DYM: variants seen among roughly 807,000 people sequenced by gnomAD.
The protein encoded by DYM is dyggve-Melchior-Clausen syndrome protein.
In DYM, 78 loss-of-function variants were observed where a neutral mutation model predicts 93.1. The observed-to-expected ratio is 0.84, with a 90% CI of 0.70 to 1.01. DYM has a LOEUF of 1.01. Ranked by LOEUF, DYM falls within the 50% of genes least tolerant of loss-of-function variation. The probability of loss-of-function intolerance (pLI) is 0.00; values close to 1 mark genes in which losing one functional copy is unlikely to be tolerated. For missense variants in DYM, 789 were observed against 845.0 expected (o/e 0.93, Z 0.82); for synonymous variants, 321 against 319.7 (o/e 1.00, Z -0.04).
rs769423170 is a variant in DYM, at chr18:49,292,355, G to GACAGACACACAC, written c.764-5740_764-5739insGTGTGTGTCTGT. 5.0e-4 allele frequency among the ~76,000 whole-genome samples: 42 copies of GACAGACACACAC among 84,740 alleles called. 1 individual carries two copies. In the East Asian group the frequency reaches 9.6e-3, roughly 19 times the overall value. The allele number at this position is 84,740 out of a possible 152,430, so 55.6% of individuals were successfully genotyped here. A position where few individuals can be genotyped will look rare whatever the true frequency, so the allele number is the denominator to read the frequency against. ...AGGCAGGCAGACAGACAGACAGACA[G>GACAGACACACAC]ACACACACACACACACACACACACA... On this transcript the variant is annotated intron_variant, in intron 8 of 17. Coordinates refer to ENST00000675505, the MANE Select transcript of DYM (RefSeq NM_001353214.3).
chr18:49,400,842 G>T (rs1298673576), intron 2 of DYM, among the ~76,000 whole-genome samples: 3 of 152,060 alleles, frequency 2.0e-5, no homozygotes, highest in African/African-American at 7.3e-5. Flanking sequence ...AACTGGGGTG[G>T]TTGGTAACTG....
intron 8 of DYM, among the ~76,000 whole-genome samples, chr18:49,326,954 C>T (rs929238129): frequency 2.1e-5 from 3 of 140,102 alleles, no homozygotes; most frequent in African/African-American, 5.4e-5. Context: ...AGGGATATTA[C>T]GATGCATGTA....
At chr18:49,138,538 T>G (rs950973082) in intron 15 of DYM, among the ~76,000 whole-genome samples, 5 of 152,152 alleles carry the variant, frequency 3.3e-5, no homozygotes, top group African/African-American at 1.2e-4. Flanking sequence ...TGGTTCAATG[T>G]AATCTAGGCA....
rs539662501 is a variant in DYM, at chr18:49,167,131, A to G, written c.1626-3344T>C. Among the ~76,000 whole-genome samples the G allele has an allele frequency of 8.5e-5, 13 of 152,150 alleles. No individual in the cohort carries two copies. The South Asian group carries it at 2.7e-3, about 32-fold the overall frequency. ...TTTAAGAAAATTATTAAACAGTCCTAGGGACCAGAGCAAAAAACACTTGAA... is the reference window on the plus strand; with the variant it reads ...TTTAAGAAAATTATTAAACAGTCCTGGGGACCAGAGCAAAAAACACTTGAA... On this transcript the variant is annotated intron_variant, in intron 14 of 17. Coordinates refer to ENST00000675505, the MANE Select transcript of DYM (RefSeq NM_001353214.3).
chr18:49,375,193 G>GAC (rs34631271), intron 5 of DYM, among the ~76,000 whole-genome samples: 3,638 of 137,944 alleles, frequency 0.026, 74 homozygotes, highest in South Asian at 0.075. Flanking sequence ...AAGGGGAAAA[G>GAC]ACACACACAC....
chr18:49,087,439 C>A (rs2078644663), intron 17 of DYM, among the ~76,000 whole-genome samples: 2 of 152,334 alleles, frequency 1.3e-5, no homozygotes, highest in South Asian at 4.1e-4. Flanking sequence ...ATTGCTTACA[C>A]ATCTACCACA....
At chr18:49,219,982 C>A (rs1022139780) in intron 13 of DYM, among the ~76,000 whole-genome samples, 38 of 150,644 alleles carry the variant, frequency 2.5e-4, no homozygotes, top group African/African-American at 9.0e-4. Flanking sequence ...TTGCAGATGA[C>A]ATGATTGTAT....
chr18:49,328,353 G>A (rs113548360), intron 8 of DYM, among the ~76,000 whole-genome samples: 1,532 of 152,216 alleles, frequency 0.01, 42 homozygotes, highest in South Asian at 0.076. Context: ...AACTCAAGAC[G>A]GTCCTTAATG....
chr18:49,289,725 GTGTATATATA>G (rs1489199590), intron 8 of DYM, among the ~76,000 whole-genome samples: 13 of 13,736 alleles, frequency 9.5e-4, no homozygotes, highest in African/African-American at 2.1e-3. Flanking sequence ...ATATATATAT[GTGTATATATA>G]TATATATATA....
At chr18:49,118,292 T>C (rs2145974880) in intron 16 of DYM, among the ~76,000 whole-genome samples, 1 of 152,072 alleles carries the variant, frequency 6.6e-6, no homozygotes, top group East Asian at 1.9e-4. Flanking sequence ...TAAAACCATA[T>C]CAAAAATATA....
chr18:49,412,446 G>A (rs1450936609), intron 2 of DYM, among the ~76,000 whole-genome samples: 3 of 152,054 alleles, frequency 2.0e-5, no homozygotes, highest in Non-Finnish European at 4.4e-5. Flanking sequence ...ATAAATGAAA[G>A]AATGGGAAAT....
At chr18:49,256,858 G>A (rs545116607) in intron 13 of DYM, 152 bp downstream of exon 13, 5 of 633,810 alleles carry the variant, frequency 7.9e-6, no homozygotes, top group Admixed American at 2.5e-5. Flanking sequence ...AAAATGGAAC[G>A]AGCTATTTTC....
intron 8 of DYM, among the ~76,000 whole-genome samples, chr18:49,317,601 CCT>C (rs199835147): frequency 3.2e-4 from 6 of 18,608 alleles, no homozygotes; most frequent in Middle Eastern, 0.029. Flanking sequence ...CTCTCTCCCC[CCT>C]CCCCCCTCCC....
At chr18:49,164,636 A>T (rs535194459) in intron 14 of DYM, among the ~76,000 whole-genome samples, 1 of 152,318 alleles carries the variant, frequency 6.6e-6, no homozygotes, top group South Asian at 2.1e-4. Context: ...GTCTTCTTGA[A>T]TGTTTGTATA....
chr18:49,196,757 C>T (rs1038582051), intron 14 of DYM, among the ~76,000 whole-genome samples: 6 of 151,998 alleles, frequency 3.9e-5, no homozygotes, highest in Non-Finnish European at 2.9e-5. Context: ...AAAGAAAAGT[C>T]ACTAAAGGGT....
chr18:49,397,525 C>T (rs1190025083), intron 2 of DYM, among the ~76,000 whole-genome samples: 1 of 152,212 alleles, frequency 6.6e-6, no homozygotes, highest in Non-Finnish European at 1.5e-5. Flanking sequence ...TTTACCAATA[C>T]ACATGGTGCA....
rs1441532602 is a variant in DYM, at chr18:49,037,759, T to G, written c.*6296A>C. Among the ~76,000 whole-genome samples the G allele has an allele frequency of 6.6e-6, 1 of 152,248 alleles. No individual in the cohort carries two copies. The highest frequency in any genetic ancestry group is 2.4e-5 in the African/African-American group (1 of 41,470). ...TATGAGGATTATAAAATTATCTTTT[T>G]GTAAATAATTAGTCTTGATTCTATT... On this transcript the variant is annotated 3_prime_UTR_variant, in exon 18 of 18. Transcript: ENST00000675505.
At chr18:49,050,523 A>G (rs2072287978) in intron 17 of DYM, among the ~76,000 whole-genome samples, 1 of 152,122 alleles carries the variant, frequency 6.6e-6, no homozygotes, top group African/African-American at 2.4e-5. Flanking sequence ...ATCTTCCTGT[A>G]AGATCGTGCA....
chr18:49,161,785 C>T (rs2087174898), intron 15 of DYM, among the ~76,000 whole-genome samples: 1 of 152,228 alleles, frequency 6.6e-6, no homozygotes, highest in Non-Finnish European at 1.5e-5. Context: ...CAGGCTGTGG[C>T]TGCACACAGC....
Sources: allele counts gnomAD v4.1 joint callset (sites outside exome capture counted in the v4.1 genomes callset), GRCh38; gene constraint gnomAD v4.1.1; transcripts MANE v1.5; gene names NCBI Gene and HGNC (gene_info 2026-07-23, HGNC 2026-07-21).